Variants in ZNHIT1 observed in about 807,000 individuals in gnomAD.
ZNHIT1 encodes the protein zinc finger HIT-type containing 1.
Under a neutral mutation model 21.4 loss-of-function variants are expected in ZNHIT1, and 20 were observed. The observed-to-expected ratio is 0.93, with a 90% CI of 0.66 to 1.36. The LOEUF (loss-of-function observed/expected upper bound fraction) is 1.36, where lower values mean the gene tolerates loss of function less well. ZNHIT1 is among the 40% of genes most tolerant of loss of function. ZNHIT1 has a pLI of 0.00. For synonymous variants in ZNHIT1, 79 were observed against 84.0 expected (o/e 0.94, Z 0.32); for missense variants, 170 against 213.5 (o/e 0.80, Z 1.27).
chr7:101,218,785 G>A (rs1402851924), intron 1 of ZNHIT1: 2 of 153,154 alleles, frequency 1.3e-5, no homozygotes, highest in South Asian at 2.0e-4. Context: ...TGCTATGGCA[G>A]AGGGAAGCAC....
intron 1 of ZNHIT1, chr7:101,221,317 G>A (rs190191617): frequency 1.3e-5 from 2 of 150,836 alleles, no homozygotes; most frequent in African/African-American, 2.4e-5. Flanking sequence ...TCAACCTCCC[G>A]GGCCCATGTA....
chr7:101,218,893 C>T (rs1481466548), intron 1 of ZNHIT1: 1 of 152,552 alleles, frequency 6.6e-6, no homozygotes, highest in East Asian at 1.9e-4. Flanking sequence ...TGAATTGAGT[C>T]TTGAAAGTCT....
Position 101,223,564 on chromosome 7 carries a change from G to A in ZNHIT1, c.273+8G>A. ...GCCCTGTTGGAGGAGCAGGTGAGAG[G>A]AGGGTCGGCCTGGGAGGACCCCACA... On this transcript the variant is annotated splice_region_variant and intron_variant, in intron 3 of 4. Transcript: ENST00000305105. The A allele has an allele frequency of 6.2e-7, 1 of 1,614,172 alleles. No homozygotes were observed. Among genetic ancestry groups the A allele is most frequent in the Non-Finnish European group, 8.5e-7 (1 of 1,180,012 alleles).
intron 1 of ZNHIT1, 50 bp from the exon 2 acceptor site, chr7:101,222,554 A>C (rs945540242): frequency 1.3e-6 from 2 of 1,573,516 alleles, no homozygotes; most frequent in African/African-American, 2.7e-5. Context: ...CGGCGGCCAC[A>C]CTGCTCTTTC....
At chr7:101,218,798 C>T (rs1307851204) in intron 1 of ZNHIT1, 1 of 152,832 alleles carries the variant, frequency 6.5e-6, no homozygotes, top group Non-Finnish European at 1.5e-5. Flanking sequence ...GGAAGCACAG[C>T]GCCTGGGAAC....
intron 1 of ZNHIT1, 69 bp downstream of exon 1, chr7:101,218,286 A>G: frequency 6.4e-7 from 1 of 1,555,478 alleles, no homozygotes; most frequent in Non-Finnish European, 8.8e-7. Flanking sequence ...TTACCTAGTC[A>G]TTCCTCTTTT....
intron 1 of ZNHIT1, chr7:101,221,436 C>G (rs940644820): frequency 5.9e-5 from 9 of 152,068 alleles, no homozygotes; most frequent in Admixed American, 2.0e-4. Context: ...GCTGCCCAGG[C>G]TGGTTTCTAA....
Position 101,218,176 on chromosome 7 carries a change from C to T in ZNHIT1, c.-20C>T, listed in dbSNP as rs1247501975. The T allele has an allele frequency of 6.2e-7, 1 of 1,612,456 alleles. No homozygotes were observed. Among genetic ancestry groups the T allele is most frequent in the African/African-American group, 1.3e-5 (1 of 74,952 alleles). ...TAGTACGCGTGCGCAGCAGTTTCTT[C>T]CGACAGTTGTGTTGTGCCAATGGTG... On this transcript the variant is annotated 5_prime_UTR_variant, in exon 1 of 5. Coordinates refer to ENST00000305105, the MANE Select transcript of ZNHIT1 (RefSeq NM_006349.3).
Position 101,222,747 on chromosome 7 carries a change from C to T in ZNHIT1, c.166C>T (p.Pro56Ser). The change falls in exon 2 of 5, where the codon CCT (proline) becomes TCT (serine). Residue 56 changes from proline to serine, a missense_variant. Coordinates refer to ENST00000305105, the MANE Select transcript of ZNHIT1 (RefSeq NM_006349.3). ...AGLPQLGKRL[P>S]QFDDDADTGK... ...ACTCCCTCAGCTCGGCAAGAGACTG[C>T]CTCAGTTTGATGACGATGCGGACAC... 6.2e-7 allele frequency: 1 copy of T among 1,614,056 alleles called. No individual in the cohort carries two copies. Among genetic ancestry groups the T allele is most frequent in the Non-Finnish European group, 8.5e-7 (1 of 1,179,926 alleles).
At chr7:101,222,408 T>G in intron 1 of ZNHIT1, 196 bp from the exon 2 acceptor site, 2 of 551,548 alleles carry the variant, frequency 3.6e-6, no homozygotes, top group Non-Finnish European at 3.1e-6. Flanking sequence ...ACTGAAAGGG[T>G]CTCAGCTGGC....
rs1376694570 is a variant in ZNHIT1 at position 101,222,605 on chromosome 7, T to G, written c.24T>G (p.Val8=). The change falls in exon 2 of 5, where the codon GTT becomes GTG. Residue 8 remains valine, a splice_region_variant and synonymous_variant. Transcript: ENST00000305105. The part of the protein sequence containing the change: MVEKKTS[V]RSQDPGQRRV... ...CTTTGCGTGCCCTGCTCCATCCAGT[T>G]CGCTCCCAGGACCCCGGGCAGCGGC... 6.2e-7 allele frequency: 1 copy of G among 1,612,268 alleles called. No homozygotes were observed. Among genetic ancestry groups the G allele is most frequent in the Admixed American group, 1.7e-5 (1 of 59,818 alleles).
At position 101,222,542 on chromosome 7, in the gene ZNHIT1, A is replaced by G. The variant is rs1584260599; in HGVS notation, c.23-62A>G. ...CGGGTGCCTTCCTCGCCCTGCCCAG[A>G]GCGGCGGCCACACTGCTCTTTCTTG... On this transcript the variant is annotated intron_variant, in intron 1 of 4. Transcript: ENST00000305105. 5 of 1,556,244 alleles carry G rather than the reference A, an allele frequency of 3.2e-6. No individual in the cohort carries two copies. The East Asian group carries it at 1.1e-4, about 35-fold the overall frequency.
At chr7:101,223,360 G>T in intron 2 of ZNHIT1, 117 bp from the exon 3 acceptor site, 1 of 1,116,750 alleles carries the variant, frequency 9.0e-7, no homozygotes, top group Non-Finnish European at 1.3e-6. Context: ...CTGGGTGACA[G>T]AGTGAGACTG....
chr7:101,218,619 G>T (rs1264899821), intron 1 of ZNHIT1: 3 of 211,600 alleles, frequency 1.4e-5, no homozygotes, highest in Non-Finnish European at 2.8e-5. Context: ...TCGGGTCCTG[G>T]CGTTGACCCT....
At position 101,224,018 on chromosome 7, in the gene ZNHIT1, A is replaced by C. The variant is rs1396223179; in HGVS notation, c.*60A>C. ...CACTGCCCGGCCTTCAGAAAGACAG[A>C]ATTTCATCACCCAATGCAGGGGGAG... is the stretch of plus-strand genomic sequence containing the variant. On this transcript the variant is annotated 3_prime_UTR_variant, in exon 5 of 5. Transcript: ENST00000305105. 6.2e-6 allele frequency: 10 copies of C among 1,612,890 alleles called. No individual in the cohort carries two copies. Among genetic ancestry groups the C allele is most frequent in the Middle Eastern group, 3.3e-4 (2 of 6,078 alleles).
rs201781148 is a variant in ZNHIT1, at chr7:101,223,729, G to A, written c.330G>A (p.Ser110=). Residue 110 remains serine (S), a synonymous_variant, in exon 4 of 5, where the codon TCG becomes TCA. Coordinates refer to ENST00000305105, the MANE Select transcript of ZNHIT1 (RefSeq NM_006349.3). ...TGACGGCCTGTGCGGGACCCCCATC[G>A]CGGCCCCAGCGCCCCTTCTGTGCTG... ...NYLTACAGPP[S]RPQRPFCAVC... is the part of the protein sequence containing the mutation. The A allele has an allele frequency of 1.4e-5, 22 of 1,613,568 alleles. No individual in the cohort carries two copies. The highest frequency in any genetic ancestry group is 1.7e-4 in the Middle Eastern group (1 of 6,050).
Position 101,223,985 on chromosome 7 carries a change from C to T in ZNHIT1, c.*27C>T. 6.2e-7 allele frequency: 1 copy of T among 1,614,164 alleles called. No individual in the cohort carries two copies. ...CCTGGGCATTCCCAGAGAGGAAGGGCCGCTGTGCACTGCCCGGCCTTCAGA... is the reference window on the plus strand; with the variant it reads ...CCTGGGCATTCCCAGAGAGGAAGGGTCGCTGTGCACTGCCCGGCCTTCAGA... On this transcript the variant is annotated 3_prime_UTR_variant, in exon 5 of 5. Coordinates refer to ENST00000305105, the MANE Select transcript of ZNHIT1 (RefSeq NM_006349.3).
intron 1 of ZNHIT1, chr7:101,220,109 T>C (rs1383896743): frequency 6.8e-6 from 1 of 146,896 alleles, no homozygotes; most frequent in Non-Finnish European, 1.5e-5. Flanking sequence ...TGGTTGGTTT[T>C]GGGTTTTTTT....
chr7:101,222,586 G>A lies in ZNHIT1; in HGVS notation c.23-18G>A, dbSNP rs368467038. ...TTTCTTGGAAGCCCTGTAACTTTGC[G>A]TGCCCTGCTCCATCCAGTTCGCTCC... On this transcript the variant is annotated intron_variant, in intron 1 of 4. Transcript: ENST00000305105. 7.4e-5 allele frequency: 119 copies of A among 1,600,182 alleles called. No individual in the cohort carries two copies. The East Asian group carries it at 2.2e-3, about 29-fold the overall frequency.
Sources: gnomAD v4.1 joint callset for allele counts on GRCh38, gnomAD v4.1.1 for gene constraint, MANE v1.5 for transcripts, NCBI Gene and HGNC (gene_info 2026-07-23, HGNC 2026-07-21) for gene names.